The following AKR1C4 variants were observed in gnomAD, a reference collection of about 807,000 sequenced individuals.
AKR1C4 encodes the protein 3-alpha-HSD1.
In AKR1C4, 44 loss-of-function variants were observed where a neutral mutation model predicts 41.0. The ratio of observed to expected loss-of-function variants is 1.07; its 90% CI spans 0.84 to 1.38. The LOEUF (loss-of-function observed/expected upper bound fraction) is 1.38, where lower values mean the gene tolerates loss of function less well. Ranked by LOEUF, AKR1C4 falls within the 40% of genes most tolerant of loss-of-function variation. The pLI is 0.00. For synonymous variants in AKR1C4, 165 were observed against 137.7 expected (o/e 1.20, Z -1.39); for missense variants, 438 against 387.9 (o/e 1.13, Z -1.09).
intron 1 of AKR1C4, 53 bp from the exon 2 acceptor site, chr10:5,200,128 A>C: frequency 6.4e-7 from 1 of 1,566,668 alleles, no homozygotes; most frequent in Non-Finnish European, 8.6e-7. Flanking sequence ...TTCCTGTTTC[A>C]CTACCTCTCA....
chr10:5,197,524 T>G (rs902047116), intron 1 of AKR1C4, among the ~76,000 whole-genome samples: 1 of 152,188 alleles, frequency 6.6e-6, no homozygotes, highest in Non-Finnish European at 1.5e-5. Flanking sequence ...AAAAATAACT[T>G]TATTCTAAGG....
At chr10:5,202,383 T>C (rs1832413367) in intron 2 of AKR1C4, 2 of 410,992 alleles carry the variant, frequency 4.9e-6, no homozygotes, top group Admixed American at 5.4e-5. Context: ...ACTGAATTTG[T>C]TTGTCGGAGG....
At chr10:5,202,405 T>C in intron 2 of AKR1C4, 1 of 433,460 alleles carries the variant, frequency 2.3e-6, no homozygotes, top group Non-Finnish European at 4.6e-6. Flanking sequence ...GCTTTTTGGA[T>C]GAGGCTTTGG....
At chr10:5,206,186 A>G in intron 4 of AKR1C4, 89 bp from the exon 5 acceptor site, 1 of 1,584,892 alleles carries the variant, frequency 6.3e-7, no homozygotes, top group Non-Finnish European at 8.6e-7. Flanking sequence ...TCATATCTTA[A>G]CAGTTGTTGC....
At chr10:5,207,381 C>T in intron 5 of AKR1C4, 1 of 309,792 alleles carries the variant, frequency 3.2e-6, no homozygotes, top group Non-Finnish European at 6.6e-6. Context: ...CTTTTCACTC[C>T]TGAGATGTAG....
intron 2 of AKR1C4, among the ~76,000 whole-genome samples, chr10:5,203,060 A>G (rs1422379238): frequency 6.7e-6 from 1 of 149,944 alleles, no homozygotes; most frequent in Non-Finnish European, 1.5e-5. Flanking sequence ...CTTTCTCTGT[A>G]TTTTTGAATA....
At position 5,206,294 on chromosome 10, in the gene AKR1C4, A is replaced by T. The variant is rs139905834; in HGVS notation, c.467A>T (p.Asp156Val). ...ATWEVMEKCK[D>V]AGLAKSIGVS... is the part of the protein sequence containing the mutation. Reference sequence around the variant, plus strand: ...CCCCAGGTCATGGAGAAGTGTAAGGATGCAGGATTGGCCAAGTCCATCGGG... The same window carrying T: ...CCCCAGGTCATGGAGAAGTGTAAGGTTGCAGGATTGGCCAAGTCCATCGGG... The change falls in exon 5 of 9, where the codon GAT becomes GTT. Residue 156 changes from aspartate (D) to valine (V), a missense_variant. Coordinates refer to ENST00000263126, the MANE Select transcript of AKR1C4 (RefSeq NM_001818.5). The T allele has an allele frequency of 6.8e-5, 109 of 1,614,092 alleles. No individual in the cohort carries two copies. The East Asian group carries it at 1.3e-3, about 19-fold the overall frequency.
intron 8 of AKR1C4, among the ~76,000 whole-genome samples, chr10:5,218,499 A>G (rs1554798802): frequency 6.6e-6 from 1 of 151,954 alleles, no homozygotes; most frequent in Non-Finnish European, 1.5e-5. Flanking sequence ...TTTGTGTGAT[A>G]AATTCCAGGC....
chr10:5,196,837 A>G lies in AKR1C4; in HGVS notation c.-31A>G, dbSNP rs1554796356. On this transcript the variant is annotated 5_prime_UTR_variant, in exon 1 of 9. Transcript: ENST00000263126. ...AATGCCAGATGTTGCTGAAGGAAAC[A>G]GGATCTGCTTAGTGAAAGAAGTGGC... is the stretch of plus-strand genomic sequence containing the variant. The G allele has an allele frequency of 1.2e-6, 2 of 1,609,846 alleles. No individual in the cohort carries two copies. The highest frequency in any genetic ancestry group is 1.7e-6 in the Non-Finnish European group (2 of 1,176,228).
In AKR1C4 at chr10:5,206,411, G is replaced by A; in HGVS notation, c.570+14G>A. 6.2e-7 allele frequency: 1 copy of A among 1,613,934 alleles called. No individual in the cohort carries two copies. Among genetic ancestry groups the A allele is most frequent in the Non-Finnish European group, 8.5e-7 (1 of 1,179,888 alleles). ...GTCTGCAACCAGGTGAGCACCCTCA[G>A]CCTCCTCTCCTTTCTCTTCTCAATG... On this transcript the variant is annotated intron_variant, in intron 5 of 8. Coordinates refer to ENST00000263126, the MANE Select transcript of AKR1C4 (RefSeq NM_001818.5).
At chr10:5,217,179 A>G (rs530703860) in intron 8 of AKR1C4, among the ~76,000 whole-genome samples, 6 of 152,232 alleles carry the variant, frequency 3.9e-5, no homozygotes, top group East Asian at 3.9e-4. Context: ...TTCCAAATCC[A>G]CTCAGTTTCT....
chr10:5,201,845 A>G (rs1413580315), intron 2 of AKR1C4, among the ~76,000 whole-genome samples: 1 of 152,194 alleles, frequency 6.6e-6, no homozygotes, highest in Non-Finnish European at 1.5e-5. Context: ...CAGTTGTCCC[A>G]GCACCATTTA....
At chr10:5,206,436 G>A (rs1287559855) in intron 5 of AKR1C4, 39 bp downstream of exon 5, 2 of 1,613,424 alleles carry the variant, frequency 1.2e-6, no homozygotes, top group South Asian at 2.2e-5. Context: ...TCTTCTCAAT[G>A]TCCATCTTCC....
At chr10:5,197,577 G>A (rs564476183) in intron 1 of AKR1C4, among the ~76,000 whole-genome samples, 13 of 152,310 alleles carry the variant, frequency 8.5e-5, no homozygotes, top group Middle Eastern at 3.4e-3. Context: ...TTTTTGGTCC[G>A]TGTTAATATG....
chr10:5,211,797 A>T (rs1554797946), intron 5 of AKR1C4, among the ~76,000 whole-genome samples: 2 of 152,168 alleles, frequency 1.3e-5, no homozygotes, highest in East Asian at 3.9e-4. Flanking sequence ...GAAAAAGGGG[A>T]GTTTAATGGA....
At chr10:5,213,219 G>T in intron 7 of AKR1C4, 60 bp downstream of exon 7, 7 of 1,595,514 alleles carry the variant, frequency 4.4e-6, no homozygotes, top group Non-Finnish European at 5.1e-6. Context: ...TGTGCTTCTT[G>T]TAAGGTTCTC....
At chr10:5,206,454 C>A in intron 5 of AKR1C4, 57 bp downstream of exon 5, 1 of 1,608,922 alleles carries the variant, frequency 6.2e-7, no homozygotes, top group Non-Finnish European at 8.5e-7. Flanking sequence ...TCCTGTCCTA[C>A]TGCCTGGCTT....
intron 7 of AKR1C4, among the ~76,000 whole-genome samples, chr10:5,213,765 T>C (rs1554798199): frequency 1.3e-5 from 2 of 152,148 alleles, no homozygotes; most frequent in Admixed American, 6.5e-5. Flanking sequence ...GGCTGGGCTT[T>C]CTCACGTGTG....
chr10:5,204,611 A>G (rs1554797268), intron 3 of AKR1C4, 118 bp downstream of exon 3: 2 of 843,478 alleles, frequency 2.4e-6, no homozygotes, highest in African/African-American at 3.3e-5. Context: ...GAAGAGTCCT[A>G]AGTATAATGC....
Sources: allele counts gnomAD v4.1 joint callset (sites outside exome capture counted in the v4.1 genomes callset), GRCh38; gene constraint gnomAD v4.1.1; transcripts MANE v1.5; gene names NCBI Gene and HGNC (gene_info 2026-07-23, HGNC 2026-07-21).